Variants in RAB3B observed in about 807,000 individuals in gnomAD.
RAB3B encodes RAB3B, member RAS oncogene family.
RAB3B carries 11 observed loss-of-function variants against 20.5 expected under a neutral mutation model. That is an observed-to-expected ratio of 0.54 (90% CI 0.34 to 0.89). RAB3B has a LOEUF of 0.89. Ranked by LOEUF, RAB3B falls within the 40% of genes least tolerant of loss-of-function variation. The pLI is 0.02. For missense variants in RAB3B, 225 were observed against 280.9 expected, an observed-to-expected ratio of 0.80 and a Z score of 1.42; for synonymous variants, 99 against 106.3, an observed-to-expected ratio of 0.93 and a Z score of 0.42.
intron 2 of RAB3B, among the ~76,000 whole-genome samples, chr1:51,954,520 CTT>C (rs1238581544): frequency 6.6e-6 from 1 of 152,102 alleles, no homozygotes; most frequent in Non-Finnish European, 1.5e-5. Flanking sequence ...AGTTGCTATT[CTT>C]ATTATTATTA....
chr1:51,912,169 G>A lies in RAB3B; in HGVS notation c.*7758C>T, dbSNP rs1252234505. ...GGACAGGGTCTTGCTCTGTCACCCA[G>A]GCTGGAGTGGCACAGTGTACAATCA... On this transcript the variant is annotated 3_prime_UTR_variant, in exon 5 of 5. Transcript: ENST00000371655. 1 of 141,964 alleles carries A rather than the reference G, an allele frequency of 7.0e-6. No homozygotes were observed. Among genetic ancestry groups the A allele is most frequent in the Non-Finnish European group, 1.5e-5 (1 of 66,442 alleles). The allele number at this position is 141,964 out of a possible 1,614,324, so 8.8% of individuals were successfully genotyped here.
At chr1:51,954,467 T>C (rs1197335888) in intron 2 of RAB3B, among the ~76,000 whole-genome samples, 8 of 152,216 alleles carry the variant, frequency 5.3e-5, no homozygotes, top group African/African-American at 1.7e-4. Context: ...ATATATTAAC[T>C]TATACATTTA....
chr1:51,920,229 A>G, intron 4 of RAB3B, 115 bp from the exon 5 acceptor site: 1 of 913,306 alleles, frequency 1.1e-6, no homozygotes, highest in Admixed American at 3.0e-5. Flanking sequence ...CAGTGAAGCA[A>G]AGAGGCTAAA....
intron 1 of RAB3B, among the ~76,000 whole-genome samples, chr1:51,981,760 A>C (rs1391945541): frequency 6.6e-6 from 1 of 152,194 alleles, no homozygotes; most frequent in Non-Finnish European, 1.5e-5. Context: ...CCTATTGCCT[A>C]GTGACATAGT....
intron 2 of RAB3B, among the ~76,000 whole-genome samples, chr1:51,973,864 A>G (rs1441799884): frequency 6.6e-6 from 1 of 152,196 alleles, no homozygotes; most frequent in Non-Finnish European, 1.5e-5. Flanking sequence ...AGATTTTTTG[A>G]GTGTAGGCTA....
rs1451890986 is a variant in RAB3B at position 51,915,132 on chromosome 1, T to C, written c.*4795A>G. ...CAGAGGAGGGTTCAAATGATGCTAG[T>C]GGGTGACTTGAGCATGTTAACTTTT... On this transcript the variant is annotated 3_prime_UTR_variant, in exon 5 of 5. Coordinates refer to ENST00000371655, the MANE Select transcript of RAB3B (RefSeq NM_002867.4). 6.6e-6 allele frequency: 1 copy of C among 152,190 alleles called. No individual in the cohort carries two copies. The highest frequency in any genetic ancestry group is 6.5e-5 in the Admixed American group (1 of 15,280). The allele number at this position is 152,190 out of a possible 1,614,324, so 9.4% of individuals were successfully genotyped here.
intron 1 of RAB3B, among the ~76,000 whole-genome samples, chr1:51,977,423 G>T (rs559645422): frequency 6.6e-6 from 1 of 152,280 alleles, no homozygotes; most frequent in African/African-American, 2.4e-5. Flanking sequence ...CTGACCTCTA[G>T]GTGGACAAAA....
intron 1 of RAB3B, 93 bp downstream of exon 1, chr1:51,990,459 C>G (rs1030940507): frequency 6.6e-6 from 1 of 151,006 alleles, no homozygotes; most frequent in Non-Finnish European, 1.5e-5. Flanking sequence ...GCCCCGCGCT[C>G]CTTCTCGGCG....
chr1:51,987,633 G>A (rs938807157), intron 1 of RAB3B, among the ~76,000 whole-genome samples: 7 of 152,152 alleles, frequency 4.6e-5, no homozygotes, highest in Non-Finnish European at 7.3e-5. Flanking sequence ...AATGTTACAT[G>A]ATTAAGACAG....
At chr1:51,948,993 G>A (rs749690930) in intron 2 of RAB3B, among the ~76,000 whole-genome samples, 1 of 152,200 alleles carries the variant, frequency 6.6e-6, no homozygotes, top group Non-Finnish European at 1.5e-5. Flanking sequence ...CAGAATGTCA[G>A]ATGGTCCTTT....
rs539916573 is a variant in RAB3B at position 51,941,470 on chromosome 1, A to G, written c.229-4058T>C. ...TTTGCAGTAGTACAGGTCAGACTAA[A>G]TAAGAATCTGAGCTAGAGTGGTAAC... On this transcript the variant is annotated intron_variant, in intron 2 of 4. Coordinates refer to ENST00000371655, the MANE Select transcript of RAB3B (RefSeq NM_002867.4). 2.8e-4 allele frequency among the ~76,000 whole-genome samples: 43 copies of G among 152,380 alleles called. No homozygotes were observed. The South Asian group carries it at 3.9e-3, about 14-fold the overall frequency.
chr1:51,923,532 A>G (rs1684201601), intron 4 of RAB3B, among the ~76,000 whole-genome samples: 1 of 152,120 alleles, frequency 6.6e-6, no homozygotes, highest in Non-Finnish European at 1.5e-5. Context: ...CCTGGCCAAC[A>G]TGGTGAAACC....
At chr1:51,974,566 T>C (rs182827191) in intron 2 of RAB3B, among the ~76,000 whole-genome samples, 153 of 152,306 alleles carry the variant, frequency 1.0e-3, no homozygotes, top group African/African-American at 3.5e-3. Context: ...ATGAACAAAA[T>C]GAACTTTTAT....
At chr1:51,934,084 TC>T (rs1314509782) in intron 3 of RAB3B, among the ~76,000 whole-genome samples, 3 of 152,204 alleles carry the variant, frequency 2.0e-5, no homozygotes, top group Non-Finnish European at 4.4e-5. Context: ...TCACAATGAA[TC>T]TTTTCTTAAA....
intron 2 of RAB3B, among the ~76,000 whole-genome samples, chr1:51,976,517 C>T (rs867530778): frequency 2.6e-5 from 4 of 152,246 alleles, no homozygotes; most frequent in Admixed American, 2.6e-4. Flanking sequence ...GATGTAGATG[C>T]TATTACAATC....
intron 2 of RAB3B, among the ~76,000 whole-genome samples, chr1:51,970,521 C>A (rs572905724): frequency 6.6e-6 from 1 of 152,238 alleles, no homozygotes; most frequent in African/African-American, 2.4e-5. Flanking sequence ...AGACCCTCAT[C>A]CCCCAGAGAT....
At chr1:51,966,494 T>C (rs1277200910) in intron 2 of RAB3B, among the ~76,000 whole-genome samples, 1 of 152,002 alleles carries the variant, frequency 6.6e-6, no homozygotes, top group Non-Finnish European at 1.5e-5. Context: ...GGAAAGGGGG[T>C]TGTGGCCCTA....
At chr1:51,987,194 A>G (rs942850181) in intron 1 of RAB3B, among the ~76,000 whole-genome samples, 2 of 152,206 alleles carry the variant, frequency 1.3e-5, no homozygotes, top group Admixed American at 6.5e-5. Context: ...GGGGAGGAGG[A>G]GGAGAGAGCC....
chr1:51,914,810 T>C lies in RAB3B; in HGVS notation c.*5117A>G, dbSNP rs1167961510. 8.5e-5 allele frequency: 13 copies of C among 152,154 alleles called. No individual in the cohort carries two copies. In the East Asian group the frequency reaches 1.2e-3, roughly 14 times the overall value. 9.4% of individuals were successfully genotyped at this position (152,154 alleles called of 1,614,324 possible). A position where few individuals can be genotyped will look rare whatever the true frequency, so the allele number is the denominator to read the frequency against. On this transcript the variant is annotated 3_prime_UTR_variant, in exon 5 of 5. Coordinates refer to ENST00000371655, the MANE Select transcript of RAB3B (RefSeq NM_002867.4). ...AGTTCTTTCCCCTTCCCCTAAACTG[T>C]TGGCAAACAAAGTCAAACAAACATT... is the stretch of plus-strand genomic sequence containing the variant.
Sources: gnomAD v4.1 joint callset for allele counts (sites outside exome capture counted in the v4.1 genomes callset) on GRCh38, gnomAD v4.1.1 for gene constraint, MANE v1.5 for transcripts, NCBI Gene and HGNC (gene_info 2026-07-23, HGNC 2026-07-21) for gene names.